Variants in HS6ST2 observed in about 807,000 individuals in gnomAD.
HS6ST2 encodes the protein heparan sulfate 6-O-sulfotransferase 2.
Under a neutral mutation model 33.0 loss-of-function variants are expected in HS6ST2, and 17 were observed. The observed-to-expected ratio is 0.52, with a 90% confidence interval of 0.35 to 0.77. The LOEUF is 0.77. HS6ST2 is among the 30% of genes least tolerant of loss of function. The probability of loss-of-function intolerance (pLI) is 0.01; values close to 1 mark genes in which losing one functional copy is unlikely to be tolerated. For synonymous variants in HS6ST2, 248 were observed against 237.1 expected (o/e 1.05, Z -0.42); for missense variants, 519 against 551.7 (o/e 0.94, Z 0.59).
At chrX:132,767,425 C>T (rs1347716424) in intron 2 of HS6ST2, among the ~76,000 whole-genome samples, 1 of 111,765 alleles carries the variant, frequency 8.9e-6, no homozygotes, top group Non-Finnish European at 1.9e-5. Context: ...CGCTGTTTTG[C>T]CCAAGCTGGT....
intron 4 of HS6ST2, among the ~76,000 whole-genome samples, chrX:132,647,452 C>A (rs1569477168): frequency 8.9e-6 from 1 of 111,907 alleles, no homozygotes; most frequent in Non-Finnish European, 1.9e-5. Context: ...GGAGAGAAAG[C>A]TGAATATGGG....
chrX:132,867,757 G>C (rs1361438986), intron 2 of HS6ST2, among the ~76,000 whole-genome samples: 2 of 111,316 alleles, frequency 1.8e-5, no homozygotes, highest in Admixed American at 9.6e-5. Context: ...GTCACCAATA[G>C]GCTGCCTTAC....
At chrX:132,942,458 A>G (rs1364397014) in intron 2 of HS6ST2, among the ~76,000 whole-genome samples, 4 of 112,230 alleles carry the variant, frequency 3.6e-5, no homozygotes, top group Admixed American at 9.5e-5. Context: ...GCTTTGCATA[A>G]TGGCACTTTT....
intron 2 of HS6ST2, among the ~76,000 whole-genome samples, chrX:132,765,283 G>A (rs184283504): frequency 8.9e-6 from 1 of 112,180 alleles, no homozygotes; most frequent in African/African-American, 3.2e-5. Context: ...ACACCTCAAG[G>A]ACAAGAGAAC....
intron 2 of HS6ST2, among the ~76,000 whole-genome samples, chrX:132,841,144 C>T (rs2065703338): frequency 1.8e-5 from 2 of 111,895 alleles, no homozygotes; most frequent in Admixed American, 9.5e-5. Context: ...AGTACTCTTA[C>T]GTAGAACTAT....
intron 2 of HS6ST2, among the ~76,000 whole-genome samples, chrX:132,850,524 G>A (rs1441619232): frequency 1.8e-5 from 2 of 111,273 alleles, no homozygotes; most frequent in Non-Finnish European, 3.8e-5. Context: ...GAGCACCTAT[G>A]AATCAGCTGC....
intron 2 of HS6ST2, among the ~76,000 whole-genome samples, chrX:132,887,855 T>G (rs2066267799): frequency 8.9e-6 from 1 of 112,277 alleles, no homozygotes; most frequent in African/African-American, 3.2e-5. Flanking sequence ...TGATGCCACA[T>G]GCACAAACCC....
intron 2 of HS6ST2, among the ~76,000 whole-genome samples, chrX:132,742,885 A>G (rs1308831111): frequency 1.8e-5 from 2 of 112,195 alleles, no homozygotes; most frequent in African/African-American, 6.5e-5. Flanking sequence ...TCTAGGCACC[A>G]TGGTAACATT....
chrX:132,774,359 C>G (rs1248802395), intron 2 of HS6ST2, among the ~76,000 whole-genome samples: 1 of 112,455 alleles, frequency 8.9e-6, no homozygotes, highest in Admixed American at 9.4e-5. Context: ...CTGCTCTCCA[C>G]CCCAAACATT....
chrX:132,678,873 TCTACTTC>T (rs2148216103), intron 3 of HS6ST2, among the ~76,000 whole-genome samples: 1 of 112,498 alleles, frequency 8.9e-6, no homozygotes, highest in African/African-American at 3.2e-5. Flanking sequence ...CTTAAACCAA[TCTACTTC>T]GCTTCATGCA....
intron 4 of HS6ST2, among the ~76,000 whole-genome samples, chrX:132,642,468 T>A (rs2063608271): frequency 9.0e-6 from 1 of 111,416 alleles, no homozygotes; most frequent in Non-Finnish European, 1.9e-5. Flanking sequence ...GGAACAGAAC[T>A]TTTTAACCAT....
intron 3 of HS6ST2, among the ~76,000 whole-genome samples, chrX:132,678,779 C>T (rs1002637616): frequency 8.9e-6 from 1 of 112,447 alleles, no homozygotes; most frequent in Non-Finnish European, 1.9e-5. Flanking sequence ...AAACAGAAGA[C>T]TAAAATTCTG....
At chrX:132,728,870 T>C (rs1189208872) in intron 2 of HS6ST2, among the ~76,000 whole-genome samples, 2 of 112,537 alleles carry the variant, frequency 1.8e-5, no homozygotes, top group Non-Finnish European at 3.8e-5. Flanking sequence ...GATGACGACA[T>C]AGAAGTATAT....
At chrX:132,762,217 T>C (rs904964566) in intron 2 of HS6ST2, among the ~76,000 whole-genome samples, 3 of 111,600 alleles carry the variant, frequency 2.7e-5, no homozygotes, top group African/African-American at 9.8e-5. Context: ...ATGTTCAAAT[T>C]CAGTAATTCT....
At chrX:132,798,289 T>G (rs888617815) in intron 2 of HS6ST2, among the ~76,000 whole-genome samples, 2 of 110,766 alleles carry the variant, frequency 1.8e-5, no homozygotes, top group Non-Finnish European at 3.8e-5. Context: ...CAGATTGAGA[T>G]TCTCATCCAA....
At chrX:132,949,580 G>A (rs1223545039) in intron 2 of HS6ST2, among the ~76,000 whole-genome samples, 1 of 110,210 alleles carries the variant, frequency 9.1e-6, no homozygotes, top group East Asian at 2.8e-4. Flanking sequence ...CTCATTAAAG[G>A]CTCCCAGGAT....
chrX:132,701,097 G>T (rs1169242230), intron 3 of HS6ST2, among the ~76,000 whole-genome samples: 1 of 112,237 alleles, frequency 8.9e-6, no homozygotes. Context: ...TACCAATCAA[G>T]ATACTGGATA....
chrX:132,667,518 C>A (rs1031590495), intron 4 of HS6ST2: 2 of 112,044 alleles, frequency 1.8e-5, no homozygotes, highest in African/African-American at 6.5e-5. Context: ...TATGCATTCT[C>A]TATGTCATCT....
intron 2 of HS6ST2, among the ~76,000 whole-genome samples, chrX:132,783,425 C>T (rs2065031685): frequency 9.0e-6 from 1 of 111,317 alleles, no homozygotes; most frequent in Non-Finnish European, 1.9e-5. Flanking sequence ...TTGTCAGGAA[C>T]CTGAAACCTG....
Sources: allele counts gnomAD v4.1 joint callset (sites outside exome capture counted in the v4.1 genomes callset), GRCh38; gene constraint gnomAD v4.1.1; transcripts MANE v1.5; gene names NCBI Gene and HGNC (gene_info 2026-07-23, HGNC 2026-07-21).